The following WSB1 variants were observed in gnomAD, a reference collection of about 807,000 sequenced individuals.
WSB1 encodes the protein WD repeat and SOCS box containing 1, also known as WD repeat and SOCS box-containing protein 1.
In WSB1, 23 loss-of-function variants were observed where a neutral mutation model predicts 50.2. The observed-to-expected ratio is 0.46, with a 90% confidence interval of 0.33 to 0.65. WSB1 has a LOEUF of 0.65. Ranked by LOEUF, WSB1 falls within the 30% of genes least tolerant of loss-of-function variation. The pLI is 0.02. For synonymous variants in WSB1, 179 were observed against 172.0 expected (o/e 1.04, Z -0.32); for missense variants, 492 against 522.3 (o/e 0.94, Z 0.56).
At chr17:27,311,299 T>C (rs969613334) in intron 7 of WSB1, among the ~76,000 whole-genome samples, 5 of 152,226 alleles carry the variant, frequency 3.3e-5, no homozygotes, top group African/African-American at 9.6e-5. Flanking sequence ...CATTGTAGTC[T>C]CTTAAGTGAA....
chr17:27,310,436 A>ATT (rs34068133), intron 7 of WSB1, among the ~76,000 whole-genome samples: 2 of 152,034 alleles, frequency 1.3e-5, no homozygotes, highest in South Asian at 2.1e-4. Context: ...GCTTACAGAG[A>ATT]TTTTTTAAAG....
intron 6 of WSB1, 57 bp from the exon 7 acceptor site, chr17:27,310,004 G>A (rs1304689802): frequency 1.0e-5 from 14 of 1,375,008 alleles, no homozygotes; most frequent in Non-Finnish European, 1.3e-5. Context: ...TTGTACCTGG[G>A]TAATTTTGTT....
chr17:27,294,345 C>A lies in WSB1; in HGVS notation c.-51C>A. 1 of 1,605,806 alleles carries A rather than the reference C, an allele frequency of 6.2e-7. No homozygotes were observed. The highest frequency in any genetic ancestry group is 8.5e-7 in the Non-Finnish European group (1 of 1,174,430). On this transcript the variant is annotated 5_prime_UTR_variant, in exon 1 of 9. Coordinates refer to ENST00000262394, the MANE Select transcript of WSB1 (RefSeq NM_015626.10). ...GCCCCTCAGCGGTCGCCACTCTCTT[C>A]TCTGTTGTTGGGTCCGCATCGTATT...
At chr17:27,303,774 C>A in intron 3 of WSB1, 139 bp downstream of exon 3, 2 of 1,028,738 alleles carry the variant, frequency 1.9e-6, no homozygotes, top group African/African-American at 1.6e-5. Flanking sequence ...TTATAATAGA[C>A]CTGAATGTCA....
chr17:27,306,202 C>CTTT (rs907711059), intron 4 of WSB1, among the ~76,000 whole-genome samples: 1,114 of 63,156 alleles, frequency 0.018, 242 homozygotes, highest in Non-Finnish European at 0.024. Flanking sequence ...AGAATTCTGT[C>CTTT]TTTTTTTTTT....
chr17:27,308,532 T>G, intron 5 of WSB1: 4 of 985,830 alleles, frequency 4.1e-6, no homozygotes, highest in Non-Finnish European at 4.8e-6. Flanking sequence ...TTAACATCCT[T>G]GTTGTTTGCC....
chr17:27,304,589 G>A (rs991413332), intron 3 of WSB1, among the ~76,000 whole-genome samples, 191 bp from the exon 4 acceptor site: 3 of 142,296 alleles, frequency 2.1e-5, no homozygotes, highest in Non-Finnish European at 4.5e-5. Context: ...ACTTGTAACT[G>A]TAGTTCCAAC....
chr17:27,295,774 T>A (rs966211211), intron 1 of WSB1, among the ~76,000 whole-genome samples: 40 of 152,282 alleles, frequency 2.6e-4, no homozygotes, highest in Middle Eastern at 3.4e-3. Context: ...GCCTTTTTTT[T>A]AAATCTGTAT....
At chr17:27,295,973 G>A (rs2016953409) in intron 1 of WSB1, among the ~76,000 whole-genome samples, 1 of 152,038 alleles carries the variant, frequency 6.6e-6, no homozygotes, top group South Asian at 2.1e-4. Flanking sequence ...GAGTAGGTGG[G>A]ATTACAGGCA....
chr17:27,309,512 T>G (rs1597768800), intron 6 of WSB1, among the ~76,000 whole-genome samples: 1 of 152,328 alleles, frequency 6.6e-6, no homozygotes, highest in Non-Finnish European at 1.5e-5. Flanking sequence ...AAGTACTAAT[T>G]ATGTTTAGAG....
At chr17:27,297,103 T>C (rs906502494) in intron 1 of WSB1, 6 of 152,218 alleles carry the variant, frequency 3.9e-5, no homozygotes, top group African/African-American at 7.2e-5. Flanking sequence ...AAATATGTTA[T>C]TATTTCATTG....
intron 5 of WSB1, chr17:27,308,315 C>G: frequency 1.0e-6 from 1 of 985,802 alleles, no homozygotes; most frequent in Non-Finnish European, 1.2e-6. Flanking sequence ...ACATTAGAAT[C>G]CTGTTTAGAG....
At chr17:27,296,936 A>G (rs2017004624) in intron 1 of WSB1, among the ~76,000 whole-genome samples, 1 of 152,220 alleles carries the variant, frequency 6.6e-6, no homozygotes, top group African/African-American at 2.4e-5. Context: ...CACTTAAATC[A>G]TTTTATTAAA....
At chr17:27,312,113 C>T (rs994530643) in intron 8 of WSB1, 97 bp from the exon 9 acceptor site, 2 of 1,473,494 alleles carry the variant, frequency 1.4e-6, no homozygotes, top group Non-Finnish European at 1.8e-6. Context: ...GTTTGTGACT[C>T]CACTACTCAC....
chr17:27,309,036 A>C, intron 5 of WSB1, 64 bp from the exon 6 acceptor site: 2 of 1,479,926 alleles, frequency 1.4e-6, no homozygotes, highest in Non-Finnish European at 1.8e-6. Flanking sequence ...GTTTTAGTAT[A>C]AGATGTGCCA....
intron 2 of WSB1, chr17:27,302,635 G>T (rs184606316): frequency 6.6e-6 from 1 of 152,266 alleles, no homozygotes; most frequent in East Asian, 1.9e-4. Flanking sequence ...GTGTTGGCCA[G>T]GCTGGTCTCG....
At position 27,310,194 on chromosome 17, in the gene WSB1, C is replaced by T. The variant is rs752860824; in HGVS notation, c.998+20C>T. On this transcript the variant is annotated intron_variant, in intron 7 of 8. Coordinates refer to ENST00000262394, the MANE Select transcript of WSB1 (RefSeq NM_015626.10). ...TGATAAGTAAGTATGTGCATTATAG[C>T]TTGACTGACTTACTATTACCTTTTA... is the stretch of plus-strand genomic sequence containing the variant. 5 of 1,599,562 alleles carry T rather than the reference C, an allele frequency of 3.1e-6. No homozygotes were observed. In the East Asian group the frequency reaches 8.9e-5, roughly 29 times the overall value.
chr17:27,309,120 T>G lies in WSB1; in HGVS notation c.732T>G (p.Asp244Glu), dbSNP rs1348351994. The change falls in exon 6 of 9, where the codon GAT (aspartate) becomes GAG (glutamate). Residue 244 changes from aspartate to glutamate, a missense_variant. By Grantham distance (45) the Asp-to-Glu change is conservative (BLOSUM62 2). Coordinates refer to ENST00000262394, the MANE Select transcript of WSB1 (RefSeq NM_015626.10). ...TGCAGGTTTTCCTTTGGAATATGGA[T>G]AAATACACCATGATACGGAAACTAG... Reference protein sequence around the residue: ...ASKAVFLWNMDKYTMIRKLEG... With the variant: ...ASKAVFLWNMEKYTMIRKLEG... 17 of 1,608,532 alleles carry G rather than the reference T, an allele frequency of 1.1e-5. No individual in the cohort carries two copies. The highest frequency in any genetic ancestry group is 1.3e-5 in the African/African-American group (1 of 74,832).
intron 1 of WSB1, among the ~76,000 whole-genome samples, chr17:27,298,481 G>A: frequency 6.6e-6 from 1 of 152,136 alleles, no homozygotes. Flanking sequence ...ACCGCTTTGG[G>A]AAACCAAGGT....
Sources: allele counts gnomAD v4.1 joint callset (sites outside exome capture counted in the v4.1 genomes callset), GRCh38; gene constraint gnomAD v4.1.1; transcripts MANE v1.5; gene names NCBI Gene and HGNC (gene_info 2026-07-23, HGNC 2026-07-21).